Variants in RALGAPB observed in about 807,000 individuals in gnomAD.
RALGAPB encodes Ral GTPase activating protein non-catalytic subunit beta.
RALGAPB carries 25 observed loss-of-function variants against 161.1 expected under a neutral mutation model. The ratio of observed to expected loss-of-function variants is 0.16; its 90% CI spans 0.11 to 0.22. The LOEUF is 0.22. Ranked by LOEUF, RALGAPB falls within the 10% of genes least tolerant of loss-of-function variation. RALGAPB has a pLI of 1.00. For missense variants in RALGAPB, 1,391 were observed against 1,815.2 expected, an observed-to-expected ratio of 0.77 and a Z score of 4.25; for synonymous variants, 629 against 626.1, an observed-to-expected ratio of 1.00 and a Z score of -0.07.
chr20:38,502,423 T>G (rs1387683819), intron 5 of RALGAPB, among the ~76,000 whole-genome samples: 1 of 152,208 alleles, frequency 6.6e-6, no homozygotes, highest in Non-Finnish European at 1.5e-5. Flanking sequence ...CTCATGACAT[T>G]ACAAGAAAAA....
chr20:38,510,547 AC>A (rs2085910564), intron 6 of RALGAPB, among the ~76,000 whole-genome samples: 1 of 152,118 alleles, frequency 6.6e-6, no homozygotes, highest in Non-Finnish European at 1.5e-5. Flanking sequence ...CCTCAACGAA[AC>A]CTTCTGGGGT....
intron 29 of RALGAPB, among the ~76,000 whole-genome samples, 157 bp from the exon 30 acceptor site, chr20:38,574,617 T>C (rs1397434341): frequency 6.6e-6 from 1 of 152,222 alleles, no homozygotes; most frequent in Non-Finnish European, 1.5e-5. Flanking sequence ...TCTGACAGTT[T>C]TATCTTAGCA....
chr20:38,498,709 T>A (rs1333125276), intron 4 of RALGAPB, among the ~76,000 whole-genome samples: 1 of 152,232 alleles, frequency 6.6e-6, no homozygotes, highest in African/African-American at 2.4e-5. Context: ...CTTTGCCTTC[T>A]GGAGCTATGC....
In RALGAPB at chr20:38,473,018, C is replaced by T. The variant is rs2122788257; in HGVS notation, c.-82C>T. 2.5e-6 allele frequency: 1 copy of T among 392,366 alleles called. No individual in the cohort carries two copies. The highest frequency in any genetic ancestry group is 1.3e-4 in the South Asian group (1 of 7,814). 24.3% of individuals were successfully genotyped at this position (392,366 alleles called of 1,614,324 possible). On this transcript the variant is annotated 5_prime_UTR_variant, in exon 1 of 30. It adds an upstream start codon to the 5' untranslated region. Transcript: ENST00000262879. ...GTCGCGTGAGGCGGAAGGCCGAGGA[C>T]GGCCGGCGGCGGCGCCCGCCCCGGC...
At chr20:38,508,673 C>T (rs185248104) in intron 5 of RALGAPB, among the ~76,000 whole-genome samples, 38 of 152,170 alleles carry the variant, frequency 2.5e-4, no homozygotes, top group Admixed American at 1.3e-4. Context: ...GATAACAACA[C>T]GTGTATTACA....
intron 26 of RALGAPB, chr20:38,568,763 C>T (rs1240281159): frequency 6.6e-6 from 1 of 152,160 alleles, no homozygotes; most frequent in Non-Finnish European, 1.5e-5. Flanking sequence ...GTACAGTGTC[C>T]TCTCCTTGCG....
intron 5 of RALGAPB, among the ~76,000 whole-genome samples, chr20:38,505,644 A>G (rs1349946128): frequency 6.6e-6 from 1 of 152,210 alleles, no homozygotes; most frequent in Non-Finnish European, 1.5e-5. Flanking sequence ...ATATTTTTAA[A>G]TTAAGGATGT....
chr20:38,564,787 G>T (rs1214181180), intron 24 of RALGAPB, among the ~76,000 whole-genome samples: 2 of 152,132 alleles, frequency 1.3e-5, no homozygotes, highest in East Asian at 1.9e-4. Flanking sequence ...GGATAGAAAT[G>T]CCTTAAAAGC....
Position 38,576,137 on chromosome 20 carries a change from T to C in RALGAPB, c.*1170T>C, listed in dbSNP as rs1350374964. On this transcript the variant is annotated 3_prime_UTR_variant, in exon 30 of 30. Transcript: ENST00000262879. ...CTACTTTTCTGCAGGGATAAAACTT[T>C]TGAGGTGGCCAGACCCAGAACATCC... The C allele has an allele frequency of 6.6e-6, 1 of 152,622 alleles. No individual in the cohort carries two copies. Among genetic ancestry groups the C allele is most frequent in the African/African-American group, 2.4e-5 (1 of 41,462 alleles). 9.5% of individuals were successfully genotyped at this position (152,622 alleles called of 1,614,324 possible). A position where few individuals can be genotyped will look rare whatever the true frequency, so the allele number is the denominator to read the frequency against.
chr20:38,553,822 A>T, intron 21 of RALGAPB, 45 bp from the exon 22 acceptor site: 1 of 956,948 alleles, frequency 1.0e-6, no homozygotes, highest in Non-Finnish European at 1.6e-6. Flanking sequence ...TGGCCTTACT[A>T]GTTTGATAAT....
chr20:38,547,175 C>T (rs1411608113), intron 19 of RALGAPB: 3 of 152,208 alleles, frequency 2.0e-5, no homozygotes, highest in Admixed American at 6.5e-5. Flanking sequence ...CCCTCCCCCT[C>T]AGTTATAAGC....
chr20:38,557,135 C>G (rs902514961), intron 22 of RALGAPB, among the ~76,000 whole-genome samples: 6 of 152,232 alleles, frequency 3.9e-5, no homozygotes, highest in African/African-American at 1.4e-4. Flanking sequence ...TTGGCAAGAT[C>G]AAGATCTCAA....
chr20:38,567,365 A>G, intron 26 of RALGAPB, 133 bp downstream of exon 26: 1 of 1,234,394 alleles, frequency 8.1e-7, no homozygotes. Flanking sequence ...TTAATTTTTT[A>G]AAATAAAATT....
chr20:38,505,654 T>C (rs1044000527), intron 5 of RALGAPB, among the ~76,000 whole-genome samples: 2 of 152,208 alleles, frequency 1.3e-5, no homozygotes, highest in Admixed American at 1.3e-4. Context: ...ATTAAGGATG[T>C]GCATTGATTT....
At chr20:38,539,499 G>A (rs1178521984) in intron 16 of RALGAPB, among the ~76,000 whole-genome samples, 2 of 152,128 alleles carry the variant, frequency 1.3e-5, no homozygotes, top group African/African-American at 4.8e-5. Flanking sequence ...TCAGTCTCTG[G>A]GAATGATGAA....
At chr20:38,562,825 C>A in intron 24 of RALGAPB, 128 bp downstream of exon 24, 4 of 1,039,150 alleles carry the variant, frequency 3.8e-6, no homozygotes, top group Non-Finnish European at 5.3e-6. Context: ...GTGGCGCATG[C>A]CTGTCTTCAA....
intron 17 of RALGAPB, 43 bp downstream of exon 17, chr20:38,540,001 G>A (rs1488584939): frequency 3.2e-6 from 5 of 1,541,490 alleles, no homozygotes; most frequent in African/African-American, 1.4e-5. Context: ...AAACAAAAAT[G>A]TATGCTAGCA....
chr20:38,552,242 G>A (rs1390082468), intron 21 of RALGAPB, among the ~76,000 whole-genome samples: 1 of 151,316 alleles, frequency 6.6e-6, no homozygotes, highest in Admixed American at 6.6e-5. Flanking sequence ...CCGGGTTCAA[G>A]TGATTCTCCT....
intron 20 of RALGAPB, among the ~76,000 whole-genome samples, chr20:38,550,645 C>T (rs141596169): frequency 1.7e-4 from 26 of 152,226 alleles, no homozygotes; most frequent in African/African-American, 4.1e-4. Context: ...TCAATTAAGC[C>T]GTATTAAGAT....
Sources: allele counts gnomAD v4.1 joint callset (sites outside exome capture counted in the v4.1 genomes callset), GRCh38; gene constraint gnomAD v4.1.1; transcripts MANE v1.5; gene names NCBI Gene and HGNC (gene_info 2026-07-23, HGNC 2026-07-21).